The following FRK variants were observed in gnomAD, a reference collection of about 807,000 sequenced individuals.
The protein encoded by FRK is fyn related Src family tyrosine kinase.
Under a neutral mutation model 56.4 loss-of-function variants are expected in FRK, and 51 were observed. That is an observed-to-expected ratio of 0.90 (90% CI 0.72 to 1.14). The LOEUF is 1.14. FRK is among the 50% of genes most tolerant of loss of function. FRK has a pLI of 0.00. For synonymous variants in FRK, 245 were observed against 217.9 expected, an observed-to-expected ratio of 1.12 and a Z score of -1.10; for missense variants, 570 against 601.4, an observed-to-expected ratio of 0.95 and a Z score of 0.55.
chr6:115,983,511 T>A (rs1395923895), intron 2 of FRK, among the ~76,000 whole-genome samples: 1 of 152,178 alleles, frequency 6.6e-6, no homozygotes, highest in Non-Finnish European at 1.5e-5. Context: ...TTTTTCTCCA[T>A]CTAATACCAT....
At chr6:116,007,286 A>G (rs1203076010) in intron 1 of FRK, among the ~76,000 whole-genome samples, 2 of 152,230 alleles carry the variant, frequency 1.3e-5, no homozygotes, top group Admixed American at 6.5e-5. Flanking sequence ...TTCAATGGAC[A>G]CTACTCACTC....
intron 1 of FRK, among the ~76,000 whole-genome samples, chr6:116,005,398 G>C (rs1171317959): frequency 6.6e-6 from 1 of 152,152 alleles, no homozygotes; most frequent in Non-Finnish European, 1.5e-5. Flanking sequence ...TGATTGCTGA[G>C]CCAGGATTGG....
intron 2 of FRK, among the ~76,000 whole-genome samples, chr6:115,973,720 A>T (rs1773891979): frequency 1.3e-5 from 2 of 152,052 alleles, no homozygotes; most frequent in South Asian, 4.1e-4. Context: ...AAATAGAAAA[A>T]ATTAGCCGGG....
chr6:116,088,405 A>G, the FRK span, among the ~76,000 whole-genome samples: 1 of 152,238 alleles, frequency 6.6e-6, no homozygotes, highest in Non-Finnish European at 1.5e-5. Context: ...CTAACCCTGG[A>G]AGAAGAGAAA....
intron 1 of FRK, among the ~76,000 whole-genome samples, chr6:116,035,538 G>T (rs1267231742): frequency 6.6e-6 from 1 of 152,016 alleles, no homozygotes; most frequent in Non-Finnish European, 1.5e-5. Context: ...CTGTTTCAAA[G>T]TTATAGTCTG....
At chr6:115,949,955 T>G (rs2351597) in intron 5 of FRK, among the ~76,000 whole-genome samples, 37,936 of 152,094 alleles carry the variant, frequency 0.25, 6,210 homozygotes, top group East Asian at 0.63. Flanking sequence ...TAAATAAATG[T>G]TGTTGGGAAA....
chr6:115,986,669 T>A (rs1213919700), intron 2 of FRK, among the ~76,000 whole-genome samples: 1 of 152,132 alleles, frequency 6.6e-6, no homozygotes, highest in Non-Finnish European at 1.5e-5. Context: ...GCAAGAAGGT[T>A]TACAGAAATA....
At chr6:116,046,718 C>T (rs1374001875) in intron 1 of FRK, among the ~76,000 whole-genome samples, 1 of 151,990 alleles carries the variant, frequency 6.6e-6, no homozygotes, top group Admixed American at 6.6e-5. Context: ...AACCATGGCA[C>T]GTGTATACCT....
intron 2 of FRK, among the ~76,000 whole-genome samples, chr6:116,000,223 C>CTTTCT (rs1775002178): frequency 1.1e-4 from 6 of 53,112 alleles, no homozygotes; most frequent in Non-Finnish European, 1.1e-4. Context: ...ATCATTCTTT[C>CTTTCT]TTTTTTTTTT....
chr6:116,046,453 A>T (rs1776966080), intron 1 of FRK, among the ~76,000 whole-genome samples: 1 of 152,214 alleles, frequency 6.6e-6, no homozygotes, highest in South Asian at 2.1e-4. Flanking sequence ...ATGCAGCCAT[A>T]AAAAAGGATG....
chr6:116,046,647 G>C (rs899913128), intron 1 of FRK, among the ~76,000 whole-genome samples: 2 of 152,118 alleles, frequency 1.3e-5, no homozygotes, highest in Non-Finnish European at 2.9e-5. Flanking sequence ...AGGGGGCTAG[G>C]GGAGGGATAG....
chr6:116,036,603 A>G (rs1776491246), intron 1 of FRK, among the ~76,000 whole-genome samples: 1 of 152,140 alleles, frequency 6.6e-6, no homozygotes, highest in South Asian at 2.1e-4. Context: ...ATATCATCCC[A>G]AAACTGTTGA....
upstream of FRK, among the ~76,000 whole-genome samples, chr6:116,063,957 G>A (rs1399023526): frequency 6.6e-6 from 1 of 152,182 alleles, no homozygotes; most frequent in East Asian, 1.9e-4. Context: ...TGACTCCAGA[G>A]CCTGAGAGTA....
In FRK at chr6:115,953,180, A is replaced by ACTTTTTTTTTTTTTTTTTTTTT. The variant is rs34026302; in HGVS notation, c.958+3271_958+3272insAAAAAAAAAAAAAAAAAAAAAG. Among the ~76,000 whole-genome samples the ACTTTTTTTTTTTTTTTTTTTTT allele has an allele frequency of 6.7e-5, 7 of 104,032 alleles. 3 individuals are homozygous for ACTTTTTTTTTTTTTTTTTTTTT. Among genetic ancestry groups the ACTTTTTTTTTTTTTTTTTTTTT allele is most frequent in the Non-Finnish European group, 1.3e-4 (7 of 54,686 alleles). 68.2% of individuals were successfully genotyped at this position (104,032 alleles called of 152,430 possible). A position where few individuals can be genotyped will look rare whatever the true frequency, so the allele number is the denominator to read the frequency against. ...AGAGTGGTACATCCATTTTAAGGCC[A>ACTTTTTTTTTTTTTTTTTTTTT]TTTTTTTTTTTTTTTTTTTTTTTTT... On this transcript the variant is annotated intron_variant, in intron 5 of 7. Transcript: ENST00000606080.
the FRK span, among the ~76,000 whole-genome samples, chr6:116,078,495 G>A: frequency 6.6e-6 from 1 of 152,126 alleles, no homozygotes; most frequent in Non-Finnish European, 1.5e-5. Flanking sequence ...GGGTTGGTTT[G>A]TTTGTTTTAA....
chr6:116,016,272 A>G (rs1775650136), intron 1 of FRK, among the ~76,000 whole-genome samples: 1 of 152,194 alleles, frequency 6.6e-6, no homozygotes, highest in South Asian at 2.1e-4. Context: ...AGGCCAAAGT[A>G]CAGCAGAGCA....
In FRK at chr6:115,931,274, A is replaced by G. The variant is rs1453671658; in HGVS notation, c.*11140T>C. ...AATTATCATAATAAATCCAGTGTGA[A>G]TAAAAATAGAATACATAGGGCAAAA... is the stretch of plus-strand genomic sequence containing the variant. On this transcript the variant is annotated 3_prime_UTR_variant, in exon 8 of 8. Coordinates refer to ENST00000606080, the MANE Select transcript of FRK (RefSeq NM_002031.3). The G allele has an allele frequency of 2.0e-5, 3 of 152,240 alleles. No homozygotes were observed. The highest frequency in any genetic ancestry group is 7.2e-5 in the African/African-American group (3 of 41,472). 9.4% of individuals were successfully genotyped at this position (152,240 alleles called of 1,614,324 possible).
chr6:116,065,507 T>G (rs542831505), upstream of FRK, among the ~76,000 whole-genome samples: 88 of 152,348 alleles, frequency 5.8e-4, no homozygotes, highest in African/African-American at 2.0e-3. Context: ...TTCTTTTGCC[T>G]GATGTGATGA....
the FRK span, among the ~76,000 whole-genome samples, chr6:116,100,343 T>G: frequency 2.0e-5 from 3 of 152,236 alleles, no homozygotes. Context: ...CCAAGGAATA[T>G]AAAGTTTTTG....
Sources: gnomAD v4.1 joint callset for allele counts (sites outside exome capture counted in the v4.1 genomes callset) on GRCh38, gnomAD v4.1.1 for gene constraint, MANE v1.5 for transcripts, NCBI Gene and HGNC (gene_info 2026-07-23, HGNC 2026-07-21) for gene names.